Variants in MYT1L observed in about 807,000 individuals in gnomAD.
The protein encoded by MYT1L is myelin transcription factor 1 like.
In MYT1L, 12 loss-of-function variants were observed where a neutral mutation model predicts 126.7. The ratio of observed to expected loss-of-function variants is 0.09; its 90% CI spans 0.06 to 0.15. MYT1L has a LOEUF of 0.15. Ranked by LOEUF, MYT1L falls within the 10% of genes least tolerant of loss-of-function variation. MYT1L has a pLI of 1.00. For missense variants in MYT1L, 979 were observed against 1,585.2 expected, an observed-to-expected ratio of 0.62 and a Z score of 6.49; for synonymous variants, 541 against 604.2, an observed-to-expected ratio of 0.90 and a Z score of 1.53.
chr2:2,023,566 C>T (rs921033545), intron 4 of MYT1L, among the ~76,000 whole-genome samples: 1 of 151,754 alleles, frequency 6.6e-6, no homozygotes, highest in African/African-American at 2.4e-5. Context: ...CCTGAAGGAC[C>T]CCACAGAGGC....
rs965957329 is a variant in MYT1L, at chr2:1,912,970, T to C, written c.1619-860A>G. On this transcript the variant is annotated intron_variant, in intron 11 of 24. Coordinates refer to ENST00000647738, the MANE Select transcript of MYT1L (RefSeq NM_001303052.2). The surrounding 1 kb of genome is among the most constrained non-coding windows in gnomAD (Gnocchi z 4.3). Reference sequence around the variant, plus strand: ...CCCCACACGGACCCTGTCTGCATCATGCTCTGCTCCTCTGAGCCCGCTGTC... The same window carrying C: ...CCCCACACGGACCCTGTCTGCATCACGCTCTGCTCCTCTGAGCCCGCTGTC... Among the ~76,000 whole-genome samples, 1 of 152,202 alleles carries C rather than the reference T, an allele frequency of 6.6e-6. No individual in the cohort carries two copies. Among genetic ancestry groups the C allele is most frequent in the Non-Finnish European group, 1.5e-5 (1 of 68,024 alleles).
intron 3 of MYT1L, among the ~76,000 whole-genome samples, chr2:2,131,203 G>T (rs1406978857): frequency 2.0e-5 from 3 of 152,172 alleles, no homozygotes; most frequent in Admixed American, 6.5e-5. Context: ...CTCACCTCGT[G>T]CAGCTCGGAG....
At chr2:1,822,495 G>A (rs1183090069) in intron 21 of MYT1L, among the ~76,000 whole-genome samples, 1 of 152,212 alleles carries the variant, frequency 6.6e-6, no homozygotes, top group African/African-American at 2.4e-5. Context: ...CCCCAGGGAT[G>A]CTCCTGCGTG....
At chr2:2,293,760 GC>G (rs1363497573) in intron 1 of MYT1L, among the ~76,000 whole-genome samples, 2 of 152,248 alleles carry the variant, frequency 1.3e-5, no homozygotes, top group Middle Eastern at 3.4e-3. Context: ...TGCAAGACCG[GC>G]CCCCTCCCTC....
chr2:2,188,444 G>A (rs190897045), intron 2 of MYT1L, among the ~76,000 whole-genome samples: 75 of 152,296 alleles, frequency 4.9e-4, no homozygotes, highest in African/African-American at 1.7e-3. Context: ...ACACGCTCAC[G>A]CCGATAGGAG....
chr2:2,075,089 C>A (rs1240426642), intron 3 of MYT1L, among the ~76,000 whole-genome samples: 1 of 152,158 alleles, frequency 6.6e-6, no homozygotes, highest in East Asian at 1.9e-4. Flanking sequence ...AGTCCACACT[C>A]TCAACCACTC....
At chr2:1,928,942 A>T (rs1424534895) in intron 9 of MYT1L, among the ~76,000 whole-genome samples, 1 of 152,050 alleles carries the variant, frequency 6.6e-6, no homozygotes, top group African/African-American at 2.4e-5. Flanking sequence ...GGAGGGTGGG[A>T]GACAGTTGAG....
chr2:2,244,346 T>C (rs2149166209), intron 2 of MYT1L, among the ~76,000 whole-genome samples: 1 of 152,316 alleles, frequency 6.6e-6, no homozygotes, highest in Non-Finnish European at 1.5e-5. Context: ...GTTGATGGAC[T>C]TATGAGAAGG....
At chr2:2,013,677 G>A (rs1004163076) in intron 4 of MYT1L, among the ~76,000 whole-genome samples, 6 of 152,246 alleles carry the variant, frequency 3.9e-5, no homozygotes, top group African/African-American at 1.4e-4. Context: ...GAGGCATGCT[G>A]CCACCAACTC....
intron 18 of MYT1L, among the ~76,000 whole-genome samples, chr2:1,872,367 G>A (rs911733378): frequency 2.0e-5 from 3 of 152,276 alleles, no homozygotes; most frequent in East Asian, 1.9e-4. Context: ...AGAATAAGAC[G>A]ACCAAAATAT....
At chr2:2,005,992 GTTCTTTCCTGCATGCA>G (rs1315675221) in intron 4 of MYT1L, among the ~76,000 whole-genome samples, 1,564 of 144,856 alleles carry the variant, frequency 0.011, 25 homozygotes, top group African/African-American at 0.039. Context: ...TCCTGCATGC[GTTCTTTCCTGCATGCA>G]TTCTTTCCTG....
intron 18 of MYT1L, among the ~76,000 whole-genome samples, chr2:1,881,421 T>C (rs975864020): frequency 6.6e-6 from 1 of 150,600 alleles, no homozygotes; most frequent in African/African-American, 2.5e-5. Context: ...TTTTGAAACA[T>C]TCTTGTTTTA....
chr2:2,122,276 C>T (rs928993738), intron 3 of MYT1L, among the ~76,000 whole-genome samples: 3 of 152,162 alleles, frequency 2.0e-5, no homozygotes, highest in Admixed American at 6.5e-5. Context: ...TTCTGTACCT[C>T]GGTTTACTCA....
At chr2:2,264,771 G>A (rs1019338056) in intron 2 of MYT1L, among the ~76,000 whole-genome samples, 1 of 152,172 alleles carries the variant, frequency 6.6e-6, no homozygotes, top group Non-Finnish European at 1.5e-5. Flanking sequence ...TCGTAAAAAT[G>A]TCCAGAGGAA....
At position 1,943,771 on chromosome 2, in the gene MYT1L, A is replaced by G. The variant is rs1292800948; in HGVS notation, c.153-437T>C. 6.6e-6 allele frequency among the ~76,000 whole-genome samples: 1 copy of G among 152,202 alleles called. No individual in the cohort carries two copies. The highest frequency in any genetic ancestry group is 1.9e-4 in the East Asian group (1 of 5,202). ...ATTATATTTACATATATATTTATGTAAAATATAAAAATGTCTATGTCGTGA... is the reference window on the plus strand; with the variant it reads ...ATTATATTTACATATATATTTATGTGAAATATAAAAATGTCTATGTCGTGA... On this transcript the variant is annotated intron_variant, in intron 8 of 24. Coordinates refer to ENST00000647738, the MANE Select transcript of MYT1L (RefSeq NM_001303052.2). This position sits in a 1 kb window ranked among gnomAD's most constrained non-coding sequence, Gnocchi z 4.4.
chr2:2,112,361 A>G (rs2079569361), intron 3 of MYT1L, among the ~76,000 whole-genome samples: 1 of 152,226 alleles, frequency 6.6e-6, no homozygotes, highest in Non-Finnish European at 1.5e-5. Context: ...TCACCCCACA[A>G]TTTACTGGTC....
At chr2:1,885,861 A>G (rs1024032904) in intron 18 of MYT1L, among the ~76,000 whole-genome samples, 2 of 152,088 alleles carry the variant, frequency 1.3e-5, no homozygotes, top group Non-Finnish European at 2.9e-5. Context: ...CTTCTTCCAA[A>G]CCTGTCTGGA....
intron 21 of MYT1L, among the ~76,000 whole-genome samples, chr2:1,822,794 C>A (rs995539663): frequency 7.0e-5 from 5 of 71,746 alleles, no homozygotes; most frequent in Admixed American, 1.2e-4. Context: ...GTGAAGGAGC[C>A]ACTGCCTCAC....
At position 1,811,932 on chromosome 2, in the gene MYT1L, C is replaced by A. The variant is rs778699068; in HGVS notation, c.3081-2765G>T. 9.2e-5 allele frequency among the ~76,000 whole-genome samples: 14 copies of A among 152,194 alleles called. No individual in the cohort carries two copies. The highest frequency in any genetic ancestry group is 1.5e-4 in the Non-Finnish European group (10 of 68,042). On this transcript the variant is annotated intron_variant, in intron 21 of 24. Transcript: ENST00000647738. This position sits in a 1 kb window ranked among gnomAD's most constrained non-coding sequence, Gnocchi z 4.4. Reference sequence around the variant, plus strand: ...TGACACTTCTGCTTCCCTAGCTTATCCGTAAATCTGCTTCTGAAGGCGAGC... The same window carrying A: ...TGACACTTCTGCTTCCCTAGCTTATACGTAAATCTGCTTCTGAAGGCGAGC...
Sources: gnomAD v4.1 joint callset for allele counts (sites outside exome capture counted in the v4.1 genomes callset) on GRCh38, gnomAD v4.1.1 for gene constraint, Gnocchi (gnomAD v3.1) non-coding constraint, MANE v1.5 for transcripts, NCBI Gene and HGNC (gene_info 2026-07-23, HGNC 2026-07-21) for gene names.